The following CADM2 variants were observed in gnomAD, a reference collection of about 807,000 sequenced individuals.
CADM2 encodes cell adhesion molecule 2.
CADM2 carries 12 observed loss-of-function variants against 49.8 expected under a neutral mutation model. The observed-to-expected ratio is 0.24, with a 90% CI of 0.15 to 0.39. The LOEUF is 0.39. CADM2 is among the 10% of genes least tolerant of loss of function. The pLI is 1.00. For missense variants in CADM2, 378 were observed against 492.3 expected, an observed-to-expected ratio of 0.77 and a Z score of 2.20; for synonymous variants, 214 against 175.4, an observed-to-expected ratio of 1.22 and a Z score of -1.74.
intron 1 of CADM2, among the ~76,000 whole-genome samples, chr3:85,635,485 A>G (rs1237433427): frequency 1.3e-5 from 2 of 152,150 alleles, no homozygotes; most frequent in Non-Finnish European, 2.9e-5. Flanking sequence ...AGATTGTTGC[A>G]CACTATAGAA....
At chr3:85,739,835 C>A (rs1010454975) in intron 2 of CADM2, among the ~76,000 whole-genome samples, 1 of 152,006 alleles carries the variant, frequency 6.6e-6, no homozygotes, top group Non-Finnish European at 1.5e-5. Flanking sequence ...GTCAAGAAAT[C>A]AAAAATTTTA....
chr3:85,341,225 A>G (rs1367683447), intron 1 of CADM2, among the ~76,000 whole-genome samples: 1 of 151,896 alleles, frequency 6.6e-6, no homozygotes, highest in African/African-American at 2.4e-5. Flanking sequence ...GTTCTGGTTT[A>G]TTATAATCAT....
At chr3:85,423,359 A>T (rs1395927353) in intron 1 of CADM2, among the ~76,000 whole-genome samples, 1 of 152,086 alleles carries the variant, frequency 6.6e-6, no homozygotes, top group East Asian at 1.9e-4. Flanking sequence ...GCCTGTTCTC[A>T]TTTAGGGCCA....
intron 1 of CADM2, among the ~76,000 whole-genome samples, chr3:85,303,982 C>T (rs1269269779): frequency 6.6e-6 from 1 of 151,906 alleles, no homozygotes. Flanking sequence ...TCAATCCTAG[C>T]ACCCTCCACA....
intron 1 of CADM2, among the ~76,000 whole-genome samples, chr3:85,272,925 CA>C (rs1350455945): frequency 2.6e-5 from 4 of 151,206 alleles, no homozygotes; most frequent in East Asian, 1.9e-4. Flanking sequence ...CAAATACACA[CA>C]TTTTTTTTCT....
chr3:85,966,622 C>T (rs1160043421), intron 8 of CADM2, among the ~76,000 whole-genome samples: 2 of 151,402 alleles, frequency 1.3e-5, no homozygotes, highest in African/African-American at 2.4e-5. Flanking sequence ...CCTTTACAAC[C>T]ATGTAAGATA....
chr3:85,124,419 A>T (rs1359118086), intron 1 of CADM2, among the ~76,000 whole-genome samples: 1 of 152,118 alleles, frequency 6.6e-6, no homozygotes, highest in African/African-American at 2.4e-5. Context: ...GCGAGACAAC[A>T]TAGTGAGACT....
chr3:85,004,284 A>G (rs2033616328), intron 1 of CADM2, among the ~76,000 whole-genome samples: 1 of 152,256 alleles, frequency 6.6e-6, no homozygotes, highest in African/African-American at 2.4e-5. Flanking sequence ...TCTTTTTCTC[A>G]TTCTACACAT....
intron 1 of CADM2, among the ~76,000 whole-genome samples, chr3:85,510,641 T>C (rs1283001005): frequency 6.6e-6 from 1 of 152,090 alleles, no homozygotes; most frequent in Non-Finnish European, 1.5e-5. Flanking sequence ...TATACCTATG[T>C]ATTCAATATT....
intron 1 of CADM2, among the ~76,000 whole-genome samples, chr3:85,448,447 T>C (rs916677683): frequency 6.6e-6 from 1 of 152,148 alleles, no homozygotes; most frequent in African/African-American, 2.4e-5. Context: ...CTGCACCGTT[T>C]ATCTTGCATA....
chr3:85,984,701 C>T (rs552571547), intron 8 of CADM2, among the ~76,000 whole-genome samples: 52 of 151,954 alleles, frequency 3.4e-4, no homozygotes, highest in African/African-American at 1.2e-3. Context: ...ATACACCATA[C>T]ATTTCAATGT....
intron 1 of CADM2, among the ~76,000 whole-genome samples, chr3:84,983,612 G>A (rs556906028): frequency 8.5e-5 from 13 of 152,166 alleles, no homozygotes; most frequent in African/African-American, 2.2e-4. Flanking sequence ...GGAGCCAAGC[G>A]GGGAATTAGG....
chr3:85,471,686 G>A (rs940150154), intron 1 of CADM2, among the ~76,000 whole-genome samples: 1 of 53,396 alleles, frequency 1.9e-5, no homozygotes, highest in Non-Finnish European at 4.3e-5. Context: ...TATATTTTTA[G>A]CATTTTATTT....
chr3:85,022,337 G>T (rs543058971), intron 1 of CADM2, among the ~76,000 whole-genome samples: 2 of 152,200 alleles, frequency 1.3e-5, no homozygotes, highest in South Asian at 4.1e-4. Context: ...TAACTTAAGG[G>T]TTTAGAGAGA....
intron 1 of CADM2, among the ~76,000 whole-genome samples, chr3:85,559,337 C>T (rs1449374): frequency 0.51 from 77,821 of 151,776 alleles, 23,027 homozygotes; most frequent in East Asian, 0.85. Flanking sequence ...TTTTGATAAA[C>T]TTTGATAAAC....
chr3:85,925,638 A>G (rs928750550), intron 6 of CADM2, among the ~76,000 whole-genome samples: 1 of 152,130 alleles, frequency 6.6e-6, no homozygotes, highest in African/African-American at 2.4e-5. Context: ...TGAGGTGTGG[A>G]TTGAGTTTGA....
intron 1 of CADM2, among the ~76,000 whole-genome samples, chr3:85,300,236 G>A (rs1172895221): frequency 6.6e-6 from 1 of 152,054 alleles, no homozygotes; most frequent in Non-Finnish European, 1.5e-5. Flanking sequence ...CTAGAGCAGA[G>A]CAGGTCTGGG....
intron 1 of CADM2, among the ~76,000 whole-genome samples, chr3:85,443,576 T>C (rs1327929070): frequency 6.6e-6 from 1 of 152,170 alleles, no homozygotes; most frequent in Non-Finnish European, 1.5e-5. Flanking sequence ...TTCCACATTG[T>C]TAAATCAACT....
At chr3:85,918,992 G>A (rs1391469750) in intron 6 of CADM2, among the ~76,000 whole-genome samples, 1 of 151,838 alleles carries the variant, frequency 6.6e-6, no homozygotes, top group Non-Finnish European at 1.5e-5. Context: ...ATGTATCATT[G>A]ACAAAAATTA....
Sources: gnomAD v4.1 joint callset for allele counts (sites outside exome capture counted in the v4.1 genomes callset) on GRCh38, gnomAD v4.1.1 for gene constraint, MANE v1.5 for transcripts, NCBI Gene and HGNC (gene_info 2026-07-23, HGNC 2026-07-21) for gene names.